Variants in LAIR1 observed in about 807,000 individuals in gnomAD.
LAIR1 encodes leukocyte-associated immunoglobulin-like receptor 1.
LAIR1 carries 24 observed loss-of-function variants against 32.8 expected under a neutral mutation model. The observed-to-expected ratio is 0.73, with a 90% CI of 0.53 to 1.03. The LOEUF (loss-of-function observed/expected upper bound fraction) is 1.03, where lower values mean the gene tolerates loss of function less well. LAIR1 is among the 50% of genes least tolerant of loss of function. The pLI is 0.00. For missense variants in LAIR1, 355 were observed against 347.5 expected (o/e 1.02, Z -0.17); for synonymous variants, 150 against 140.5 (o/e 1.07, Z -0.48).
chr19:54,359,305 G>C (rs10423634), intron 4 of LAIR1, among the ~76,000 whole-genome samples: 1,932 of 151,814 alleles, frequency 0.013, 11 homozygotes, highest in Middle Eastern at 0.024. Context: ...CAGATCACAG[G>C]GGGAGATGGA....
At chr19:54,373,362 T>A (rs2082452010), upstream of LAIR1, among the ~76,000 whole-genome samples, 1 of 151,954 alleles carries the variant, frequency 6.6e-6, no homozygotes, top group Non-Finnish European at 1.5e-5. Context: ...GAAAATGGCA[T>A]GAACCCGGGA....
chr19:54,360,838 T>G lies in LAIR1; in HGVS notation c.364+78A>C. The G allele has an allele frequency of 3.5e-6, 5 of 1,435,966 alleles. No individual in the cohort carries two copies. The Admixed American group carries it at 9.3e-5, about 27-fold the overall frequency. 89.0% of individuals were successfully genotyped at this position (1,435,966 alleles called of 1,614,324 possible). On this transcript the variant is annotated intron_variant, in intron 3 of 9. Coordinates refer to ENST00000391742, the MANE Select transcript of LAIR1 (RefSeq NM_002287.6). ...AAGGTTGGCCACAGAGGACAGCAGC[T>G]GGGACAGGGTCCAGGGACCTGGGGA...
intron 4 of LAIR1, chr19:54,357,220 G>A (rs1333095305): frequency 7.6e-6 from 4 of 529,386 alleles, no homozygotes; most frequent in Non-Finnish European, 1.4e-5. Flanking sequence ...GAAGCTGGCT[G>A]CACCGTCTGC....
At chr19:54,370,573 G>A (rs2082380015), upstream of LAIR1, 1 of 331,762 alleles carries the variant, frequency 3.0e-6, no homozygotes, top group Non-Finnish European at 5.4e-6. Flanking sequence ...CAGGAACGGA[G>A]CAAAACTGAA....
upstream of LAIR1, among the ~76,000 whole-genome samples, chr19:54,368,019 G>A (rs1394478065): frequency 2.0e-5 from 3 of 151,600 alleles, no homozygotes; most frequent in Non-Finnish European, 4.4e-5. Context: ...TGATCCACCC[G>A]CCTCGGCCTC....
Position 54,356,480 on chromosome 19 carries a change from C to G in LAIR1, c.583+11G>C. The G allele has an allele frequency of 2.5e-6, 4 of 1,613,904 alleles. No homozygotes were observed. Among genetic ancestry groups the G allele is most frequent in the Non-Finnish European group, 3.4e-6 (4 of 1,179,946 alleles). On this transcript the variant is annotated intron_variant, in intron 6 of 9. Transcript: ENST00000391742. ...CTTCCCAGGTCACCCCACCCTGCCC[C>G]TGAGACCTACCCTGCTTTATCTGAT...
At chr19:54,367,281 C>G (rs1292767331), upstream of LAIR1, among the ~76,000 whole-genome samples, 2 of 152,094 alleles carry the variant, frequency 1.3e-5, no homozygotes, top group Non-Finnish European at 2.9e-5. Flanking sequence ...ACTTGGATCT[C>G]GTGGACAGAC....
upstream of LAIR1, among the ~76,000 whole-genome samples, chr19:54,365,295 T>C (rs2082217282): frequency 6.6e-6 from 1 of 152,072 alleles, no homozygotes; most frequent in African/African-American, 2.4e-5. Flanking sequence ...CGACAAGGTA[T>C]TTAACACGTT....
At position 54,356,361 on chromosome 19, in the gene LAIR1, C is replaced by T. The variant is rs141607224; in HGVS notation, c.621G>A (p.Gln207=). 12 of 1,593,416 alleles carry T rather than the reference C, an allele frequency of 7.5e-6. No individual in the cohort carries two copies. In the African/African-American group the frequency reaches 1.5e-4, roughly 20 times the overall value. The part of the protein sequence containing the change: ...PRSKDEEQKP[Q]QRPDLAVDVL... ...GTCATTCCCAGGGGCCTCACCTCTG[C>T]TGTGGCTTCTGCTCCTCGTCCTTGC... The change falls in exon 7 of 10, where the codon CAG becomes CAA. Residue 207 remains glutamine, a synonymous_variant. Transcript: ENST00000391742.
upstream of LAIR1, among the ~76,000 whole-genome samples, chr19:54,373,003 G>A (rs567329260): frequency 2.1e-4 from 32 of 150,818 alleles, 1 homozygote; most frequent in African/African-American, 7.1e-4. Flanking sequence ...AGTGGCGGGC[G>A]CCTGTAATCC....
At chr19:54,357,070 A>G in intron 4 of LAIR1, 104 bp from the exon 5 acceptor site, 1 of 1,113,966 alleles carries the variant, frequency 9.0e-7, no homozygotes, top group Non-Finnish European at 1.3e-6. Context: ...TTCACTCCCC[A>G]GGACCCTGAC....
At chr19:54,369,645 C>T (rs1284818293), upstream of LAIR1, among the ~76,000 whole-genome samples, 5 of 151,482 alleles carry the variant, frequency 3.3e-5, no homozygotes, top group African/African-American at 9.8e-5. Context: ...CACTCAAAAA[C>T]GTTACTTGAT....
upstream of LAIR1, chr19:54,368,434 A>C (rs928642686): frequency 6.6e-6 from 1 of 152,200 alleles, no homozygotes; most frequent in African/African-American, 2.4e-5. Context: ...TACTGGCATA[A>C]TGGTTTCTAT....
intron 3 of LAIR1, chr19:54,360,629 C>A (rs1258582025): frequency 3.9e-6 from 2 of 515,472 alleles, no homozygotes; most frequent in African/African-American, 3.8e-5. Context: ...TCTCTGGGAA[C>A]CCACTCCCCA....
chr19:54,366,630 A>G (rs113639374), upstream of LAIR1, among the ~76,000 whole-genome samples: 5 of 152,022 alleles, frequency 3.3e-5, no homozygotes, highest in African/African-American at 1.2e-4. Context: ...CTGGGACTAC[A>G]GGCACCCACC....
At chr19:54,362,249 C>A (rs2082060760) in intron 2 of LAIR1, among the ~76,000 whole-genome samples, 1 of 152,180 alleles carries the variant, frequency 6.6e-6, no homozygotes, top group South Asian at 2.1e-4. Flanking sequence ...GTTGCACAAT[C>A]CTGAACTTAC....
chr19:54,355,238 C>A lies in LAIR1; in HGVS notation c.*30G>T. ...GCTTTTCCTAGAGTGACTTTCTACC[C>A]TCAGGTGCAGAGGCCAGGTGGGTAT... On this transcript the variant is annotated 3_prime_UTR_variant, in exon 10 of 10. Coordinates refer to ENST00000391742, the MANE Select transcript of LAIR1 (RefSeq NM_002287.6). This position sits in a 1 kb window ranked among gnomAD's most constrained non-coding sequence, Gnocchi z 4.7. 6.5e-7 allele frequency: 1 copy of A among 1,544,104 alleles called. No homozygotes were observed.
chr19:54,370,649 G>A (rs186086112), upstream of LAIR1: 219 of 215,216 alleles, frequency 1.0e-3, 8 homozygotes, highest in African/African-American at 4.3e-3. Flanking sequence ...AGCTCCAGCC[G>A]CAGGCACGGA....
At chr19:54,359,212 G>GAC (rs1373233381) in intron 4 of LAIR1, among the ~76,000 whole-genome samples, 2,458 of 150,712 alleles carry the variant, frequency 0.016, 29 homozygotes, top group African/African-American at 0.057. Context: ...GTCCAAGGAC[G>GAC]TACTCTGGGG....
Sources: allele counts gnomAD v4.1 joint callset (sites outside exome capture counted in the v4.1 genomes callset), GRCh38; gene constraint gnomAD v4.1.1; non-coding constraint Gnocchi (gnomAD v3.1); transcripts MANE v1.5; gene names NCBI Gene and HGNC (gene_info 2026-07-23, HGNC 2026-07-21).